Variants in COL20A1 observed in about 807,000 individuals in gnomAD.
COL20A1 encodes collagen type XX alpha 1 chain, also known as collagen alpha-1(XX) chain.
Under a neutral mutation model 152.9 loss-of-function variants are expected in COL20A1, and 164 were observed. The ratio of observed to expected loss-of-function variants is 1.07; its 90% CI spans 0.94 to 1.22. The LOEUF is 1.22. Among genes scored for constraint, COL20A1 ranks in the 50% most tolerant of loss-of-function variants. The probability of loss-of-function intolerance (pLI) is 0.00; values close to 1 mark genes in which losing one functional copy is unlikely to be tolerated. For missense variants in COL20A1, 1,873 were observed against 1,744.8 expected, an observed-to-expected ratio of 1.07 and a Z score of -1.31; for synonymous variants, 864 against 756.0, an observed-to-expected ratio of 1.14 and a Z score of -2.34.
chr20:63,298,219 C>T (rs1421863252), intron 3 of COL20A1, among the ~76,000 whole-genome samples, 199 bp downstream of exon 3: 1 of 152,264 alleles, frequency 6.6e-6, no homozygotes, highest in African/African-American at 2.4e-5. Context: ...AATGGGGCTC[C>T]TCTGTCCCTG....
In COL20A1 at chr20:63,313,845, A is replaced by G. The variant is rs1264679186; in HGVS notation, c.2312A>G (p.Tyr771Cys). 1 of 1,611,108 alleles carries G rather than the reference A, an allele frequency of 6.2e-7. No homozygotes were observed. Among genetic ancestry groups the G allele is most frequent in the East Asian group, 2.2e-5 (1 of 44,850 alleles). Residue 771 changes from tyrosine to cysteine, a missense_variant, in exon 18 of 36, where the codon TAC (tyrosine) becomes TGC (cysteine). Coordinates refer to ENST00000358894, the MANE Select transcript of COL20A1 (RefSeq NM_020882.4). The surrounding 1 kb of genome is among the most constrained non-coding windows in gnomAD (Gnocchi z 5.9). The part of the protein sequence containing the change: ...WTPPLGRVLH[Y>C]WLTYAPASGL... ...CCCCCGCTTGGCCGCGTGCTCCATT[A>G]CTGGCTCACCTACGCCCCCGCCTCT...
intron 9 of COL20A1, 72 bp downstream of exon 9, chr20:63,309,569 G>C (rs1414863472): frequency 4.3e-6 from 6 of 1,379,632 alleles, no homozygotes; most frequent in Non-Finnish European, 5.7e-6. Context: ...GGGGGACGCT[G>C]TGGCTCCCGT....
chr20:63,296,047 C>T (rs182863030), intron 2 of COL20A1, among the ~76,000 whole-genome samples: 6 of 152,388 alleles, frequency 3.9e-5, no homozygotes, highest in East Asian at 1.9e-4. Flanking sequence ...CTCCAGGTGC[C>T]GCTGCCATTG....
Position 63,310,342 on chromosome 20 carries a change from C to A in COL20A1, c.1264-39C>A, listed in dbSNP as rs374559073. 2.1e-5 allele frequency: 34 copies of A among 1,604,918 alleles called. No individual in the cohort carries two copies. In the Middle Eastern group the frequency reaches 7.0e-4, roughly 33 times the overall value. On this transcript the variant is annotated intron_variant, in intron 10 of 35. Transcript: ENST00000358894. ...CTGTCCTGCTCCCCATCCCCCGGCA[C>A]CCCCCTTCCTGGCTCCGTCCTTGCC...
chr20:63,295,125 T>C lies in COL20A1; in HGVS notation c.18T>C (p.Pro6=), dbSNP rs1368903053. The stretch of plus-strand genomic sequence containing the variant: ...CGAGCACCATGAGCTCCGGAGACCC[T>C]GCACACCTCGGCCTCTGCCTCTGGC... The part of the protein sequence containing the change: MSSGD[P]AHLGLCLWLW... Residue 6 remains proline, a synonymous_variant, in exon 2 of 36, where the codon CCT becomes CCC. Transcript: ENST00000358894. 1 of 1,552,496 alleles carries C rather than the reference T, an allele frequency of 6.4e-7. No individual in the cohort carries two copies. The highest frequency in any genetic ancestry group is 1.2e-5 in the South Asian group (1 of 84,112).
chr20:63,298,377 A>G (rs982837076), intron 3 of COL20A1, among the ~76,000 whole-genome samples: 3 of 151,930 alleles, frequency 2.0e-5, no homozygotes, highest in African/African-American at 7.3e-5. Context: ...CGCAGCCTCA[A>G]TCTCCCGAGC....
At chr20:63,316,743 A>T in intron 21 of COL20A1, 52 bp downstream of exon 21, 1 of 1,460,016 alleles carries the variant, frequency 6.8e-7, no homozygotes, top group Non-Finnish European at 9.1e-7. Context: ...GGGGCCGCTG[A>T]AGATTAGGAG....
At chr20:63,301,769 T>C (rs1285522510) in intron 3 of COL20A1, among the ~76,000 whole-genome samples, 1 of 152,234 alleles carries the variant, frequency 6.6e-6, no homozygotes, top group Non-Finnish European at 1.5e-5. Flanking sequence ...CTTCTTTTAC[T>C]GTTAATCTTT....
Position 63,295,175 on chromosome 20 carries a change from G to C in COL20A1, c.68G>C (p.Arg23Thr). Residue 23 changes from arginine to threonine, a missense_variant, in exon 2 of 36, where the codon AGA becomes ACA. Physicochemically the swap from Arg to Thr is moderately conservative, Grantham distance 71 (BLOSUM62 -1). Coordinates refer to ENST00000358894, the MANE Select transcript of COL20A1 (RefSeq NM_020882.4). ...LWLWLGATLG[R>T]EQVQASGLLR... Reference sequence around the variant, plus strand: ...CTGTGGCTGGGCGCCACCCTGGGAAGAGAGCAAGTTCAAGGTAAGGACACT... The same window carrying C: ...CTGTGGCTGGGCGCCACCCTGGGAACAGAGCAAGTTCAAGGTAAGGACACT... The C allele has an allele frequency of 6.4e-7, 1 of 1,554,274 alleles. No individual in the cohort carries two copies. The highest frequency in any genetic ancestry group is 8.7e-7 in the Non-Finnish European group (1 of 1,149,126).
intron 27 of COL20A1, 178 bp from the exon 28 acceptor site, chr20:63,325,263 C>T (rs1350202943): frequency 4.2e-6 from 3 of 709,960 alleles, no homozygotes; most frequent in Non-Finnish European, 5.2e-6. Flanking sequence ...CTGCCTGTGT[C>T]TCCAGGGAGA....
In COL20A1 at chr20:63,327,621, G is replaced by A. The variant is rs1317118082; in HGVS notation, c.3529-331G>A. 4 of 350,276 alleles carry A rather than the reference G, an allele frequency of 1.1e-5. 1 individual carries two copies. Among genetic ancestry groups the A allele is most frequent in the Middle Eastern group, 1.7e-3 (2 of 1,150 alleles). 21.7% of individuals were successfully genotyped at this position (350,276 alleles called of 1,614,324 possible). The stretch of plus-strand genomic sequence containing the variant: ...GCCAGCACAGGCCTGACCCGGGCCC[G>A]GGGCCCGGGAGGGGTCTGTTCTCTG... On this transcript the variant is annotated intron_variant, in intron 31 of 35. Coordinates refer to ENST00000358894, the MANE Select transcript of COL20A1 (RefSeq NM_020882.4).
intron 14 of COL20A1, 127 bp downstream of exon 14, chr20:63,312,182 G>T (rs1601420521): frequency 6.4e-6 from 8 of 1,244,868 alleles, no homozygotes; most frequent in Non-Finnish European, 8.6e-6. Flanking sequence ...GGCACAGCGG[G>T]GGCACCTGGT....
At chr20:63,297,836 G>C in intron 2 of COL20A1, 74 bp from the exon 3 acceptor site, 1 of 1,156,122 alleles carries the variant, frequency 8.6e-7, no homozygotes, top group South Asian at 1.3e-5. Context: ...AGGGCAGGAT[G>C]CCTGTACCCC....
At chr20:63,297,249 GC>G (rs2123370730) in intron 2 of COL20A1, among the ~76,000 whole-genome samples, 1 of 151,972 alleles carries the variant, frequency 6.6e-6, no homozygotes, top group Admixed American at 6.5e-5. Context: ...AGGGGACTCA[GC>G]CCAGGGGCCC....
rs200924087 is a variant in COL20A1, at chr20:63,309,820, T to A, written c.1168T>A (p.Ser390Thr). The change falls in exon 10 of 36, where the codon TCC (serine) becomes ACC (threonine). Residue 390 changes from serine (S) to threonine (T), a missense_variant. Coordinates refer to ENST00000358894, the MANE Select transcript of COL20A1 (RefSeq NM_020882.4). ...PTSLVLSQVTSSSIRLSWTPA... is the reference protein window; with the variant it reads ...PTSLVLSQVTTSSIRLSWTPA... ...CAGCCTGGTCCTGAGCCAGGTGACC[T>A]CCTCCAGCATCCGCCTGTCCTGGAC... The A allele has an allele frequency of 4.1e-4, 654 of 1,609,224 alleles. No individual in the cohort carries two copies. The highest frequency in any genetic ancestry group is 4.5e-4 in the Non-Finnish European group (528 of 1,178,316).
At chr20:63,322,498 C>A (rs1387973602) in intron 27 of COL20A1, among the ~76,000 whole-genome samples, 1 of 152,178 alleles carries the variant, frequency 6.6e-6, no homozygotes, top group Admixed American at 6.5e-5. Flanking sequence ...TTCTGTGTGC[C>A]GGGCTGGGCC....
chr20:63,321,793 T>A (rs2068167247), intron 26 of COL20A1, among the ~76,000 whole-genome samples: 1 of 151,316 alleles, frequency 6.6e-6, no homozygotes, highest in African/African-American at 2.4e-5. Context: ...TCAAGCACAC[T>A]CTCTCTGAGC....
At chr20:63,323,207 T>A (rs1299876381) in intron 27 of COL20A1, among the ~76,000 whole-genome samples, 2 of 152,256 alleles carry the variant, frequency 1.3e-5, no homozygotes, top group South Asian at 4.1e-4. Context: ...TTCTCCACCG[T>A]TCTTTTTTCT....
At chr20:63,321,735 C>T (rs762650906) in intron 26 of COL20A1, among the ~76,000 whole-genome samples, 4 of 152,300 alleles carry the variant, frequency 2.6e-5, no homozygotes, top group African/African-American at 9.6e-5. Flanking sequence ...AAGGTTCCAG[C>T]GCCCCACAGG....
Sources: gnomAD v4.1 joint callset for allele counts (sites outside exome capture counted in the v4.1 genomes callset) on GRCh38, gnomAD v4.1.1 for gene constraint, Gnocchi (gnomAD v3.1) non-coding constraint, MANE v1.5 for transcripts, NCBI Gene and HGNC (gene_info 2026-07-23, HGNC 2026-07-21) for gene names.